The following KLF16 variants were observed in gnomAD, a reference collection of about 807,000 sequenced individuals.
The protein encoded by KLF16 is Krueppel-like factor 16.
Under a neutral mutation model 6.1 loss-of-function variants are expected in KLF16, and 6 were observed. That is an observed-to-expected ratio of 0.98 (90% CI 0.54 to 1.93). The LOEUF (loss-of-function observed/expected upper bound fraction) is 1.93, where lower values mean the gene tolerates loss of function less well. KLF16 is among the 30% of genes most tolerant of loss of function. KLF16 has a pLI of 0.01. For synonymous variants in KLF16, 211 were observed against 176.5 expected, an observed-to-expected ratio of 1.20 and a Z score of -1.55; for missense variants, 355 against 363.8, an observed-to-expected ratio of 0.98 and a Z score of 0.20.
At chr19:1,868,938 C>A in the KLF16 span, among the ~76,000 whole-genome samples, 1 of 152,072 alleles carries the variant, frequency 6.6e-6, no homozygotes, top group Admixed American at 6.6e-5. Context: ...CCACCGCACC[C>A]GGCCGATGAG....
rs1285155910 is a variant in KLF16, at chr19:1,854,484, G to C, written c.734C>G (p.Pro245Arg). 2.7e-5 allele frequency: 38 copies of C among 1,426,040 alleles called. No homozygotes were observed. The highest frequency in any genetic ancestry group is 3.4e-5 in the Non-Finnish European group (37 of 1,102,816). The allele number at this position is 1,426,040 out of a possible 1,614,324, so 88.3% of individuals were successfully genotyped here. The change falls in exon 2 of 2, where the codon CCC becomes CGC. Residue 245 changes from proline (P) to arginine (R), a missense_variant. Pro to Arg is a moderately radical substitution (Grantham distance 103). Coordinates refer to ENST00000250916, the MANE Select transcript of KLF16 (RefSeq NM_031918.4). ...CTACAGGCCTGCGGGGGCTGGGCTGGGCGCGGGGCTGGGCGCAGGGCTCCC... is the reference window on the plus strand; with the variant it reads ...CTACAGGCCTGCGGGGGCTGGGCTGCGCGCGGGGCTGGGCGCAGGGCTCCC... Reference protein sequence around the residue: ...LAGSPAPSPAPSPAPAGL With the variant: ...LAGSPAPSPARSPAPAGL
In KLF16 at chr19:1,854,704, C is replaced by T. The variant is rs2011912053; in HGVS notation, c.514G>A (p.Asp172Asn). ...GTCCGGTGGTGGCGGGCCAGCTCGT[C>T]GGAGCGGGCGAACTTCTTGTCGCAG... ...QGCDKKFARS[D>N]ELARHHRTHT... Residue 172 changes from aspartate (D) to asparagine (N), a missense_variant, in exon 2 of 2, where the codon GAC becomes AAC. By Grantham distance (23) the Asp-to-Asn change is conservative (BLOSUM62 1). Coordinates refer to ENST00000250916, the MANE Select transcript of KLF16 (RefSeq NM_031918.4). 1.9e-6 allele frequency: 3 copies of T among 1,599,174 alleles called. No individual in the cohort carries two copies. The highest frequency in any genetic ancestry group is 1.7e-6 in the Non-Finnish European group (2 of 1,179,432).
At chr19:1,856,049 T>C (rs947926579) in intron 1 of KLF16, among the ~76,000 whole-genome samples, 1 of 152,076 alleles carries the variant, frequency 6.6e-6, no homozygotes, top group Non-Finnish European at 1.5e-5. Context: ...ACCCGGTGGG[T>C]TACAAACTGG....
chr19:1,874,053 C>G, the KLF16 span, among the ~76,000 whole-genome samples: 1 of 152,230 alleles, frequency 6.6e-6, no homozygotes. Context: ...CCAAAATCCT[C>G]TTCATCACAG....
At chr19:1,873,039 GC>G in the KLF16 span, among the ~76,000 whole-genome samples, 2 of 152,142 alleles carry the variant, frequency 1.3e-5, no homozygotes, top group Admixed American at 1.3e-4. Flanking sequence ...GCTCCCAGAG[GC>G]CCCACCTCAG....
chr19:1,872,127 G>A, the KLF16 span, among the ~76,000 whole-genome samples: 82 of 152,094 alleles, frequency 5.4e-4, no homozygotes, highest in African/African-American at 1.8e-3. Flanking sequence ...GACAGGTGGC[G>A]GTGGTTTTTC....
In KLF16 at chr19:1,854,270, C is replaced by T. The variant is rs1208602614; in HGVS notation, c.*189G>A. 1.7e-6 allele frequency: 1 copy of T among 602,504 alleles called. No homozygotes were observed. The highest frequency in any genetic ancestry group is 2.5e-6 in the Non-Finnish European group (1 of 392,696). 37.3% of individuals were successfully genotyped at this position (602,504 alleles called of 1,614,324 possible). ...CAGACACAAGCCCCCGTCACCCATC[C>T]TGAGAGCCACCTCTGAGGTCAGGCA... On this transcript the variant is annotated 3_prime_UTR_variant, in exon 2 of 2. Coordinates refer to ENST00000250916, the MANE Select transcript of KLF16 (RefSeq NM_031918.4).
In KLF16 at chr19:1,853,700, AAAAT is replaced by A. The variant is rs2011884596; in HGVS notation, c.*755_*758del. 6.6e-6 allele frequency: 1 copy of A among 152,536 alleles called. No individual in the cohort carries two copies. The highest frequency in any genetic ancestry group is 2.4e-5 in the African/African-American group (1 of 41,418). The allele number at this position is 152,536 out of a possible 1,614,324, so 9.4% of individuals were successfully genotyped here. On this transcript the variant is annotated 3_prime_UTR_variant, in exon 2 of 2. Coordinates refer to ENST00000250916, the MANE Select transcript of KLF16 (RefSeq NM_031918.4). Reference sequence around the variant, plus strand: ...GGGCCCCCACACCCGAGGACAGAGGAAAATAAATAAGCCAGGATTCCCTCCCGAC... The same window carrying A: ...GGGCCCCCACACCCGAGGACAGAGGAAAATAAGCCAGGATTCCCTCCCGAC...
chr19:1,855,559 C>A (rs1047009736), intron 1 of KLF16, among the ~76,000 whole-genome samples: 2 of 152,224 alleles, frequency 1.3e-5, no homozygotes, highest in Non-Finnish European at 2.9e-5. Context: ...CCGCCAAGGC[C>A]GGGCCTCGCC....
upstream of KLF16, among the ~76,000 whole-genome samples, chr19:1,865,910 T>C (rs2012181562): frequency 1.3e-5 from 2 of 152,226 alleles, no homozygotes. Context: ...ACGCCTGGAA[T>C]GCCAGCACTT....
At chr19:1,871,368 GGCCT>G in the KLF16 span, among the ~76,000 whole-genome samples, 1 of 152,184 alleles carries the variant, frequency 6.6e-6, no homozygotes, top group Non-Finnish European at 1.5e-5. Context: ...GTGGCCATGA[GGCCT>G]GCAGAGGACG....
Position 1,863,056 on chromosome 19 carries a change from G to T in KLF16, c.442C>A (p.Leu148Met). 1 of 1,405,824 alleles carries T rather than the reference G, an allele frequency of 7.1e-7. No homozygotes were observed. Among genetic ancestry groups the T allele is most frequent in the East Asian group, 3.4e-5 (1 of 29,532 alleles). 87.1% of individuals were successfully genotyped at this position (1,405,824 alleles called of 1,614,324 possible). A position where few individuals can be genotyped will look rare whatever the true frequency, so the allele number is the denominator to read the frequency against. ...CTGCACTCACCTGTGTGCGTCCGCAGGTGCGACTTTAGGTGCGAGGACTTG... is the reference window on the plus strand; with the variant it reads ...CTGCACTCACCTGTGTGCGTCCGCATGTGCGACTTTAGGTGCGAGGACTTG... ...YYKSSHLKSH[L>M]RTHTGERPFA... is the part of the protein sequence containing the mutation. The change falls in exon 1 of 2, where the codon CTG becomes ATG. Residue 148 changes from leucine (L) to methionine (M), a missense_variant. Coordinates refer to ENST00000250916, the MANE Select transcript of KLF16 (RefSeq NM_031918.4).
At chr19:1,866,374 G>A (rs2012188515), upstream of KLF16, among the ~76,000 whole-genome samples, 2 of 152,104 alleles carry the variant, frequency 1.3e-5, no homozygotes, top group Non-Finnish European at 2.9e-5. Flanking sequence ...ACTTTGGGAG[G>A]CCGAGGCAGG....
chr19:1,874,276 T>G, the KLF16 span, among the ~76,000 whole-genome samples: 3 of 152,062 alleles, frequency 2.0e-5, no homozygotes, highest in East Asian at 5.8e-4. Flanking sequence ...CCTCCGGACA[T>G]GAGGTCAGGA....
chr19:1,874,746 C>CAAA, the KLF16 span: 214 of 42,000 alleles, frequency 5.1e-3, 19 homozygotes, highest in Non-Finnish European at 6.0e-3. Context: ...GTCAGAGTCC[C>CAAA]AAAAAAAAAA....
At chr19:1,863,816 G>A (rs1239644000), upstream of KLF16, among the ~76,000 whole-genome samples, 3 of 144,166 alleles carry the variant, frequency 2.1e-5, no homozygotes, top group South Asian at 2.1e-4. Flanking sequence ...TCGGGCCGGA[G>A]GAACCCGCCC....
upstream of KLF16, among the ~76,000 whole-genome samples, chr19:1,864,299 C>A (rs2012146404): frequency 6.6e-6 from 1 of 152,150 alleles, no homozygotes; most frequent in South Asian, 2.1e-4. Flanking sequence ...CCTCTTCTCC[C>A]GGCCTGGGGC....
At chr19:1,874,876 T>A in the KLF16 span, 2 of 138,460 alleles carry the variant, frequency 1.4e-5, no homozygotes, top group Non-Finnish European at 3.1e-5. Context: ...GAAGATAAAA[T>A]ACAAATGGCT....
At chr19:1,875,476 C>T in the KLF16 span, 2 of 152,368 alleles carry the variant, frequency 1.3e-5, no homozygotes, top group East Asian at 1.9e-4. Flanking sequence ...TTCCCTCTGC[C>T]CCAGGGGAGA....
Sources: allele counts gnomAD v4.1 joint callset (sites outside exome capture counted in the v4.1 genomes callset), GRCh38; gene constraint gnomAD v4.1.1; transcripts MANE v1.5; gene names NCBI Gene and HGNC (gene_info 2026-07-23, HGNC 2026-07-21).